The following EIF5B variants were observed in gnomAD, a reference collection of about 807,000 sequenced individuals.
EIF5B encodes eIF-5B.
A neutral mutation model predicts 147.5 loss-of-function variants in EIF5B; 47 were observed. The ratio of observed to expected loss-of-function variants is 0.32; its 90% CI spans 0.25 to 0.41. The LOEUF (loss-of-function observed/expected upper bound fraction) is 0.41. Ranked by LOEUF, EIF5B falls within the 10% of genes least tolerant of loss-of-function variation. The pLI is 1.00. For synonymous variants in EIF5B, 455 were observed against 456.2 expected, an observed-to-expected ratio of 1.00 and a Z score of 0.03; for missense variants, 1,064 against 1,413.2, an observed-to-expected ratio of 0.75 and a Z score of 3.96.
Position 99,391,956 on chromosome 2 carries a change from C to T in EIF5B, c.2749-1011C>T, listed in dbSNP as rs530961368. ...CAGGCTGGTCTTGACCTCCTGGGCT[C>T]AAGCAATCCACCCACCTTGATCTCC... is the stretch of plus-strand genomic sequence containing the variant. On this transcript the variant is annotated intron_variant, in intron 17 of 23. Coordinates refer to ENST00000289371, the MANE Select transcript of EIF5B (RefSeq NM_015904.4). 2.0e-5 allele frequency among the ~76,000 whole-genome samples: 3 copies of T among 151,176 alleles called. No individual in the cohort carries two copies. The East Asian group carries it at 5.9e-4, about 30-fold the overall frequency.
At chr2:99,355,592 TG>T (rs1421424685) in intron 1 of EIF5B, among the ~76,000 whole-genome samples, 2 of 148,206 alleles carry the variant, frequency 1.3e-5, no homozygotes, top group East Asian at 4.1e-4. Flanking sequence ...TCTGTTTGTT[TG>T]TTTTTTTGTT....
In EIF5B at chr2:99,360,309, C is replaced by A. The variant is rs868154681; in HGVS notation, c.109C>A (p.Pro37Thr). Residue 37 changes from proline to threonine, a missense_variant, in exon 2 of 24, where the codon CCT becomes ACT. Physicochemically the swap from Pro to Thr is conservative, Grantham distance 38. This residue lies in a region of EIF5B where 458 missense variants were observed against 451.3 expected (regional missense o/e 1.01). Coordinates refer to ENST00000289371, the MANE Select transcript of EIF5B (RefSeq NM_015904.4). Reference protein sequence around the residue: ...EGAGAAKEQEPQKSKGKKKKE... With the variant: ...EGAGAAKEQETQKSKGKKKKE... ...AGCTGGTGCTGCCAAAGAACAGGAG[C>A]CTCAAAAGTCAAAAGGGAAAAAGAA... is the stretch of plus-strand genomic sequence containing the variant. 1 of 1,611,330 alleles carries A rather than the reference C, an allele frequency of 6.2e-7. No homozygotes were observed. The highest frequency in any genetic ancestry group is 8.5e-7 in the Non-Finnish European group (1 of 1,179,104).
At chr2:99,341,875 A>G (rs1200870218) in intron 1 of EIF5B, among the ~76,000 whole-genome samples, 1 of 152,234 alleles carries the variant, frequency 6.6e-6, no homozygotes, top group Non-Finnish European at 1.5e-5. Flanking sequence ...ACATTTGCTT[A>G]TGCATTTGAT....
At chr2:99,381,093 T>C (rs1674677284) in intron 12 of EIF5B, among the ~76,000 whole-genome samples, 1 of 152,216 alleles carries the variant, frequency 6.6e-6, no homozygotes. Context: ...TATTATAATA[T>C]GTAGTAGTGA....
chr2:99,349,116 A>G (rs919605664), intron 1 of EIF5B, among the ~76,000 whole-genome samples: 3 of 152,226 alleles, frequency 2.0e-5, no homozygotes, highest in East Asian at 3.8e-4. Context: ...CCTAGAAACT[A>G]TAACAAAAGT....
At chr2:99,368,450 T>C in intron 6 of EIF5B, 43 bp from the exon 7 acceptor site, 2 of 1,400,952 alleles carry the variant, frequency 1.4e-6, no homozygotes, top group East Asian at 2.3e-5. Context: ...TCAGGTGACA[T>C]GCAAGTAGTA....
chr2:99,383,330 T>C (rs993384284), intron 14 of EIF5B, among the ~76,000 whole-genome samples: 6 of 152,210 alleles, frequency 3.9e-5, no homozygotes, highest in African/African-American at 1.2e-4. Flanking sequence ...AGTCAATACA[T>C]GTTGTGAGTG....
At chr2:99,337,877 C>G (rs1170259953) in intron 1 of EIF5B, among the ~76,000 whole-genome samples, 1 of 152,250 alleles carries the variant, frequency 6.6e-6, no homozygotes, top group Non-Finnish European at 1.5e-5. Flanking sequence ...CGGGGAGGGT[C>G]AGGCGGCTTC....
chr2:99,353,230 G>A lies in EIF5B; in HGVS notation c.36-7006G>A, dbSNP rs567634581. Among the ~76,000 whole-genome samples the A allele has an allele frequency of 2.1e-3, 322 of 152,020 alleles. 3 individuals carry two copies. Among genetic ancestry groups the A allele is most frequent in the African/African-American group, 7.2e-3 (299 of 41,464 alleles). ...GGGTTTCACCATATTGGCCAGGCTG[G>A]TCTCAAACTCCTGACCTTGTGATCC... On this transcript the variant is annotated intron_variant, in intron 1 of 23. Transcript: ENST00000289371.
intron 14 of EIF5B, among the ~76,000 whole-genome samples, chr2:99,386,976 T>C (rs1230740064): frequency 6.6e-6 from 1 of 152,206 alleles, no homozygotes; most frequent in African/African-American, 2.4e-5. Flanking sequence ...AGTGGCATTA[T>C]CTCAGCTCAC....
intron 8 of EIF5B, 31 bp downstream of exon 8, chr2:99,369,512 TG>T (rs1160087603): frequency 6.6e-7 from 1 of 1,524,676 alleles, no homozygotes; most frequent in Non-Finnish European, 9.0e-7. Context: ...ATTTAATTAG[TG>T]AATTCTTATT....
intron 6 of EIF5B, among the ~76,000 whole-genome samples, chr2:99,365,812 T>C (rs1559250191): frequency 6.6e-6 from 1 of 152,074 alleles, no homozygotes; most frequent in Non-Finnish European, 1.5e-5. Context: ...CTAATAAGAA[T>C]CCAAATTCCT....
intron 22 of EIF5B, 82 bp from the exon 23 acceptor site, chr2:99,398,666 T>C: frequency 1.4e-6 from 2 of 1,411,604 alleles, no homozygotes; most frequent in Non-Finnish European, 1.9e-6. Flanking sequence ...TTGCTCTAGT[T>C]CTTACTTCAG....
intron 1 of EIF5B, among the ~76,000 whole-genome samples, chr2:99,340,914 C>A (rs2094258035): frequency 6.6e-6 from 1 of 152,118 alleles, no homozygotes; most frequent in Non-Finnish European, 1.5e-5. Context: ...GGATGACAGG[C>A]GCCCAACACC....
At position 99,363,676 on chromosome 2, in the gene EIF5B, T is replaced by G. The variant is rs1674268348; in HGVS notation, c.951T>G (p.Asp317Glu). The change falls in exon 5 of 24, where the codon GAT becomes GAG. Residue 317 changes from aspartate (D) to glutamate (E), a missense_variant. Asp to Glu is a conservative substitution (Grantham distance 45). Around this residue, in one of 4 missense-constraint regions of EIF5B, gnomAD observed 458 missense variants for 451.3 expected, o/e 1.01. Coordinates refer to ENST00000289371, the MANE Select transcript of EIF5B (RefSeq NM_015904.4). ...ATGAAGGAGACAAAAAGAAGAAAGA[T>G]AAGAAGAAAAAGAAAGGAGAAAAGG... ...DDNEGDKKKK[D>E]KKKKKGEKEE... 6.3e-7 allele frequency: 1 copy of G among 1,582,610 alleles called. No homozygotes were observed. The highest frequency in any genetic ancestry group is 2.2e-5 in the East Asian group (1 of 44,630).
chr2:99,390,138 T>TC, intron 15 of EIF5B, 81 bp from the exon 16 acceptor site: 1 of 1,497,022 alleles, frequency 6.7e-7, no homozygotes, highest in Admixed American at 1.8e-5. Context: ...AGCCATTTGC[T>TC]CATCCGGCTT....
intron 17 of EIF5B, 33 bp from the exon 18 acceptor site, chr2:99,392,934 T>C: frequency 4.3e-6 from 6 of 1,399,622 alleles, no homozygotes; most frequent in Non-Finnish European, 4.7e-6. Flanking sequence ...ACTTTTAAAG[T>C]ACATTTGGTA....
chr2:99,395,974 G>A (rs1675037922), intron 21 of EIF5B, among the ~76,000 whole-genome samples: 1 of 152,206 alleles, frequency 6.6e-6, no homozygotes, highest in African/African-American at 2.4e-5. Flanking sequence ...TTCACAATCA[G>A]ACTGGTTAAT....
intron 17 of EIF5B, among the ~76,000 whole-genome samples, chr2:99,391,067 C>CCATT (rs1674919152): frequency 6.6e-6 from 1 of 152,200 alleles, no homozygotes; most frequent in African/African-American, 2.4e-5. Context: ...TAATAGCCTA[C>CCATT]CATTGACCAG....
Sources: allele counts gnomAD v4.1 joint callset (sites outside exome capture counted in the v4.1 genomes callset), GRCh38; gene constraint gnomAD v4.1.1; regional missense constraint gnomAD v4.1.1; transcripts MANE v1.5; gene names NCBI Gene and HGNC (gene_info 2026-07-23, HGNC 2026-07-21).